NTRK3: variants seen among roughly 807,000 people sequenced by gnomAD.
The protein encoded by NTRK3 is NT-3 growth factor receptor.
Under a neutral mutation model 91.7 loss-of-function variants are expected in NTRK3, and 24 were observed. That is an observed-to-expected ratio of 0.26 (90% confidence interval 0.19 to 0.37). NTRK3 has a LOEUF of 0.37. Ranked by LOEUF, NTRK3 falls within the 10% of genes least tolerant of loss-of-function variation. NTRK3 has a pLI of 1.00. For missense variants in NTRK3, 880 were observed against 1,068.9 expected (o/e 0.82, Z 2.46); for synonymous variants, 483 against 404.0 (o/e 1.20, Z -2.34).
rs555027594 is a variant in NTRK3 at position 88,167,413 on chromosome 15, A to T, written c.395+16005T>A. Among the ~76,000 whole-genome samples the T allele has an allele frequency of 7.2e-5, 11 of 152,272 alleles. No homozygotes were observed. The South Asian group carries it at 2.3e-3, about 32-fold the overall frequency. ...CCCAGTATAGCAAAAAAAGAGCTAGAACTTGAAAAAGTCTGAGACCTGGGT... is the reference window on the plus strand; with the variant it reads ...CCCAGTATAGCAAAAAAAGAGCTAGTACTTGAAAAAGTCTGAGACCTGGGT... On this transcript the variant is annotated intron_variant, in intron 5 of 18. Coordinates refer to ENST00000394480, the Ensembl canonical transcript of NTRK3.
chr15:88,035,724 G>A (rs563633928), intron 13 of NTRK3, among the ~76,000 whole-genome samples: 20 of 152,238 alleles, frequency 1.3e-4, no homozygotes, highest in African/African-American at 4.8e-4. Flanking sequence ...TAGACAATCA[G>A]CGACCTGCAG....
intron 13 of NTRK3, among the ~76,000 whole-genome samples, chr15:88,051,238 C>T (rs1443891814): frequency 6.6e-6 from 1 of 152,194 alleles, no homozygotes; most frequent in African/African-American, 2.4e-5. Flanking sequence ...CTACACCTCC[C>T]AGGAACCAGC....
chr15:88,248,705 G>A (rs80087580), intron 3 of NTRK3, among the ~76,000 whole-genome samples: 3,133 of 152,270 alleles, frequency 0.021, 118 homozygotes, highest in African/African-American at 0.072. Flanking sequence ...TCTGGAAAAT[G>A]AGGCTAATAA....
At chr15:87,876,264 T>C (rs1480851559) in exon 19 of NTRK3, 2 of 232,266 alleles carry the variant, frequency 8.6e-6, no homozygotes, top group African/African-American at 4.4e-5. Context: ...CCATCATTGA[T>C]TCCCAAAAGC....
intron 14 of NTRK3, among the ~76,000 whole-genome samples, chr15:88,003,466 T>G (rs371411509): frequency 6.6e-6 from 1 of 152,236 alleles, no homozygotes; most frequent in African/African-American, 2.4e-5. Context: ...CCTTTAAACC[T>G]TAGAATCCCA....
At position 88,240,811 on chromosome 15, in the gene NTRK3, T is replaced by A. The variant is rs553580523; in HGVS notation, c.248+15095A>T. Among the ~76,000 whole-genome samples, 14 of 152,350 alleles carry A rather than the reference T, an allele frequency of 9.2e-5. 1 individual carries two copies. The South Asian group carries it at 2.7e-3, about 29-fold the overall frequency. On this transcript the variant is annotated intron_variant, in intron 3 of 18. Coordinates refer to ENST00000394480, the Ensembl canonical transcript of NTRK3. The surrounding 1 kb of genome is among the most constrained non-coding windows in gnomAD (Gnocchi z 4.9). ...GTCATCACACAGCATTTGCTGTCAC[T>A]GTGATGAGCTCAGTTTTCTCTAGAA...
At chr15:87,940,489 C>A in intron 15 of NTRK3, 134 bp downstream of exon 15, 1 of 1,428,406 alleles carries the variant, frequency 7.0e-7, no homozygotes, top group Non-Finnish European at 9.7e-7. Flanking sequence ...TCATTGACCT[C>A]GGAGCAAAGT....
intron 13 of NTRK3, among the ~76,000 whole-genome samples, chr15:88,110,467 T>G (rs1016091992): frequency 6.6e-6 from 1 of 152,102 alleles, no homozygotes; most frequent in Non-Finnish European, 1.5e-5. Flanking sequence ...TTCACCACAG[T>G]AGTAACAAAA....
At chr15:88,197,094 CAAAAAAAAAAAAAAAAAAAAAAA>C (rs59553739) in intron 3 of NTRK3, among the ~76,000 whole-genome samples, 9,615 of 57,800 alleles carry the variant, frequency 0.17, 981 homozygotes, top group African/African-American at 0.33. Flanking sequence ...TTGAGCAGGA[CAAAAAAAAAAAAAAAAAAAAAAA>C]AAAAAAAAAA....
chr15:88,127,934 C>T (rs985753915), intron 11 of NTRK3, among the ~76,000 whole-genome samples: 1 of 152,180 alleles, frequency 6.6e-6, no homozygotes, highest in Non-Finnish European at 1.5e-5. Context: ...ATTCAGAATT[C>T]TCTGAAGGAA....
chr15:88,157,079 T>A (rs2043974943), intron 5 of NTRK3, among the ~76,000 whole-genome samples: 1 of 152,066 alleles, frequency 6.6e-6, no homozygotes, highest in South Asian at 2.1e-4. Context: ...ACTGCCCTCC[T>A]CCACCCACCT....
intron 13 of NTRK3, among the ~76,000 whole-genome samples, chr15:88,061,126 G>T (rs2046175143): frequency 6.6e-6 from 1 of 151,802 alleles, no homozygotes; most frequent in Non-Finnish European, 1.5e-5. Context: ...TTCAAATCTG[G>T]CATCAGGTAA....
chr15:87,873,470 T>G, exon 19 of NTRK3: 3 of 231,350 alleles, frequency 1.3e-5, no homozygotes, highest in Non-Finnish European at 2.6e-5. Context: ...TCTCACTCAG[T>G]CCAGGAGAGG....
rs542361579 is a variant in NTRK3, at chr15:88,237,011, T to C, written c.248+18895A>G. Among the ~76,000 whole-genome samples, 3 of 152,240 alleles carry C rather than the reference T, an allele frequency of 2.0e-5. No individual in the cohort carries two copies. Among genetic ancestry groups the C allele is most frequent in the African/African-American group, 7.2e-5 (3 of 41,546 alleles). ...TAAGAGTAACGCATTTCATTAAATA[T>C]AAATATTAGCTCAAAAAGTGAAAAA... On this transcript the variant is annotated intron_variant, in intron 3 of 18. Coordinates refer to ENST00000394480, the Ensembl canonical transcript of NTRK3. This position sits in a 1 kb window ranked among gnomAD's most constrained non-coding sequence, Gnocchi z 4.0.
At chr15:87,916,209 A>G (rs1457808798) in intron 17 of NTRK3, 3 of 271,104 alleles carry the variant, frequency 1.1e-5, no homozygotes, top group African/African-American at 4.3e-5. Context: ...GGAACACAAC[A>G]TTCTCTTTAC....
At position 88,059,020 on chromosome 15, in the gene NTRK3, G is replaced by T. The variant is rs1034991415; in HGVS notation, c.1397-25975C>A. Among the ~76,000 whole-genome samples the T allele has an allele frequency of 8.6e-5, 13 of 151,554 alleles. No homozygotes were observed. The East Asian group carries it at 2.3e-3, about 27-fold the overall frequency. ...GAAACATGGAAAGCCCACAGAAGGT[G>T]CATGGCCCCTTTATTTCACTCACAC... On this transcript the variant is annotated intron_variant, in intron 13 of 18. Transcript: ENST00000394480.
intron 7 of NTRK3, among the ~76,000 whole-genome samples, 195 bp from the exon 8 acceptor site, chr15:88,136,804 T>G (rs565947448): frequency 1.2e-4 from 18 of 152,310 alleles, no homozygotes; most frequent in Admixed American, 3.3e-4. Flanking sequence ...AACTCAGAAT[T>G]GAAGCCCATG....
At chr15:87,980,619 A>C (rs541826857) in intron 14 of NTRK3, among the ~76,000 whole-genome samples, 3 of 152,214 alleles carry the variant, frequency 2.0e-5, no homozygotes, top group Non-Finnish European at 4.4e-5. Context: ...AGGAATGTAG[A>C]GGTCATAAGG....
At chr15:88,113,732 T>C (rs1183782535) in intron 13 of NTRK3, among the ~76,000 whole-genome samples, 1 of 152,212 alleles carries the variant, frequency 6.6e-6, no homozygotes, top group Non-Finnish European at 1.5e-5. Flanking sequence ...ACAGCCATGC[T>C]CATTCATTTA....
Sources: allele counts gnomAD v4.1 joint callset (sites outside exome capture counted in the v4.1 genomes callset), GRCh38; gene constraint gnomAD v4.1.1; non-coding constraint Gnocchi (gnomAD v3.1); transcripts MANE v1.5; gene names NCBI Gene and HGNC (gene_info 2026-07-23, HGNC 2026-07-21).